ADGRF5: variants seen among roughly 807,000 people sequenced by gnomAD.
The protein encoded by ADGRF5 is adhesion G protein-coupled receptor F5.
ADGRF5 carries 75 observed loss-of-function variants against 132.3 expected under a neutral mutation model. That is an observed-to-expected ratio of 0.57 (90% CI 0.47 to 0.69). The LOEUF (loss-of-function observed/expected upper bound fraction) is 0.69, where lower values mean the gene tolerates loss of function less well. Among genes scored for constraint, ADGRF5 ranks in the 30% least tolerant of loss-of-function variants. The pLI is 0.00. For synonymous variants in ADGRF5, 629 were observed against 597.6 expected, an observed-to-expected ratio of 1.05 and a Z score of -0.77; for missense variants, 1,516 against 1,630.6, an observed-to-expected ratio of 0.93 and a Z score of 1.21.
intron 16 of ADGRF5, among the ~76,000 whole-genome samples, chr6:46,860,053 G>A (rs1221893417): frequency 6.6e-6 from 1 of 152,074 alleles, no homozygotes; most frequent in Non-Finnish European, 1.5e-5. Context: ...TCTCCCCGCT[G>A]CAGTCCCCTT....
At chr6:46,938,412 A>G (rs769961456) in intron 1 of ADGRF5, among the ~76,000 whole-genome samples, 8 of 152,332 alleles carry the variant, frequency 5.3e-5, no homozygotes, top group Non-Finnish European at 1.2e-4. Context: ...TCTTTCAGTC[A>G]TCTTGGAAGC....
chr6:46,896,035 G>A (rs1307427268), intron 3 of ADGRF5, among the ~76,000 whole-genome samples: 2 of 152,106 alleles, frequency 1.3e-5, no homozygotes, highest in Admixed American at 1.3e-4. Flanking sequence ...AAATGTCTTT[G>A]GCGAGCATTT....
Position 46,952,339 on chromosome 6 carries a change from G to A in ADGRF5, c.-25+2395C>T, listed in dbSNP as rs147978816. Among the ~76,000 whole-genome samples, 1,223 of 152,280 alleles carry A rather than the reference G, an allele frequency of 8.0e-3. 10 individuals carry two copies. Among genetic ancestry groups the A allele is most frequent in the Non-Finnish European group, 0.012 (814 of 68,018 alleles). On this transcript the variant is annotated intron_variant, in intron 1 of 20. Coordinates refer to the ADGRF5 transcript ENST00000265417. ...CAAAAAGTAAGTCCTCCAGATGAGC[G>A]CTGCATGGAGGCAGGACTCACATCT...
intron 4 of ADGRF5, among the ~76,000 whole-genome samples, chr6:46,886,101 C>A (rs767038897): frequency 8.5e-5 from 13 of 152,196 alleles, no homozygotes; most frequent in Admixed American, 6.5e-5. Flanking sequence ...TGCTTTGAAT[C>A]AATTTCCAAA....
In ADGRF5 at chr6:46,858,770, G is replaced by A. The variant is rs200682859; in HGVS notation, c.3133C>T (p.Arg1045Trp). The change falls in exon 17 of 21, where the codon CGG becomes TGG. Residue 1045 changes from arginine (R) to tryptophan (W), a missense_variant. This residue lies in a region of ADGRF5 where 571 missense variants were observed against 701.2 expected (regional missense o/e 0.81). Coordinates refer to ENST00000283296, the MANE Select transcript of ADGRF5 (RefSeq NM_001098518.2). ...CAGGTGTGGCGCATATAAGAAGTCC[G>A]GTTCTTGGTCACCGATTTCCACACC... Reference protein sequence around the residue: ...AVVWKSVTKNRTSYMRHTCIV... With the variant: ...AVVWKSVTKNWTSYMRHTCIV... The A allele has an allele frequency of 1.6e-5, 26 of 1,613,506 alleles. No individual in the cohort carries two copies. The highest frequency in any genetic ancestry group is 1.6e-4 in the Middle Eastern group (1 of 6,082).
intron 2 of ADGRF5, 112 bp from the exon 3 acceptor site, chr6:46,900,195 T>C: frequency 1.2e-6 from 1 of 805,590 alleles, no homozygotes; most frequent in Non-Finnish European, 2.2e-6. Flanking sequence ...CTGCAGACTT[T>C]GGGTTAGCAC....
intron 10 of ADGRF5, among the ~76,000 whole-genome samples, chr6:46,875,959 C>T (rs115254638): frequency 8.9e-4 from 135 of 152,286 alleles, no homozygotes; most frequent in South Asian, 3.7e-3. Flanking sequence ...AGAAATTCTG[C>T]CATTGTTGAT....
chr6:46,906,641 C>T lies in ADGRF5; in HGVS notation c.102+20G>A, dbSNP rs1192850314. 2 of 1,152,172 alleles carry T rather than the reference C, an allele frequency of 1.7e-6. No homozygotes were observed. The allele number at this position is 1,152,172 out of a possible 1,614,324, so 71.4% of individuals were successfully genotyped here. On this transcript the variant is annotated intron_variant, in intron 2 of 20. Coordinates refer to ENST00000283296, the MANE Select transcript of ADGRF5 (RefSeq NM_001098518.2). ...AAAAATGTGACAAGAAAAATTATAG[C>T]AGATATGGATATAACTCACCAAAGG...
At chr6:46,884,863 A>G (rs961096017) in intron 4 of ADGRF5, among the ~76,000 whole-genome samples, 1 of 152,162 alleles carries the variant, frequency 6.6e-6, no homozygotes, top group Non-Finnish European at 1.5e-5. Flanking sequence ...GCCAATAGCT[A>G]GTGAGGAACT....
At chr6:46,928,750 A>G (rs1254890138) in intron 1 of ADGRF5, among the ~76,000 whole-genome samples, 7 of 152,156 alleles carry the variant, frequency 4.6e-5, no homozygotes, top group Non-Finnish European at 8.8e-5. Context: ...AATGCTCACC[A>G]TCACTGGCCA....
chr6:46,884,376 A>T, intron 4 of ADGRF5, 105 bp from the exon 5 acceptor site: 1 of 840,570 alleles, frequency 1.2e-6, no homozygotes, highest in East Asian at 2.5e-5. Flanking sequence ...TCCGAATCTG[A>T]CTTTATATTA....
intron 1 of ADGRF5, among the ~76,000 whole-genome samples, chr6:46,934,385 T>C (rs1322116408): frequency 6.6e-6 from 1 of 152,228 alleles, no homozygotes; most frequent in Non-Finnish European, 1.5e-5. Context: ...AATCCTTATT[T>C]GCTTGACTAA....
intron 3 of ADGRF5, among the ~76,000 whole-genome samples, chr6:46,892,337 A>T (rs939383144): frequency 6.6e-6 from 1 of 152,242 alleles, no homozygotes; most frequent in Non-Finnish European, 1.5e-5. Flanking sequence ...GAACTTTGAT[A>T]TACAATTCCT....
At position 46,882,057 on chromosome 6, in the gene ADGRF5, T is replaced by C. The variant is rs1316023936; in HGVS notation, c.663A>G (p.Thr221=). The C allele has an allele frequency of 1.2e-6, 2 of 1,607,228 alleles. No homozygotes were observed. The highest frequency in any genetic ancestry group is 1.7e-5 in the Admixed American group (1 of 60,018). The change falls in exon 7 of 21, where the codon ACA becomes ACG. Residue 221 remains threonine, a synonymous_variant. Coordinates refer to ENST00000283296, the MANE Select transcript of ADGRF5 (RefSeq NM_001098518.2). ...AATTAAAGTATTCTTACTTGAACCC[T>C]GTCACAGTCACGCCCTTGAAGCCTG... is the stretch of plus-strand genomic sequence containing the variant. The part of the protein sequence containing the change: ...ILPGFKGVTV[T]GFKSGSVVVT...
At chr6:46,898,796 A>G (rs1337444509) in intron 3 of ADGRF5, among the ~76,000 whole-genome samples, 1 of 152,206 alleles carries the variant, frequency 6.6e-6, no homozygotes, top group East Asian at 1.9e-4. Flanking sequence ...ACATGGCTGA[A>G]AAAATGATTC....
At chr6:46,927,476 GC>G (rs1416287334) in intron 1 of ADGRF5, among the ~76,000 whole-genome samples, 1 of 152,020 alleles carries the variant, frequency 6.6e-6, no homozygotes, top group Non-Finnish European at 1.5e-5. Context: ...TGAACCCCCA[GC>G]CCCCACCAAC....
intron 1 of ADGRF5, among the ~76,000 whole-genome samples, chr6:46,936,015 A>G (rs542561161): frequency 5.3e-5 from 8 of 152,360 alleles, no homozygotes; most frequent in Admixed American, 3.3e-4. Flanking sequence ...CAACTGCAGC[A>G]GTTTCCACAC....
At position 46,934,732 on chromosome 6, in the gene ADGRF5, AG is replaced by A. The variant is rs568966880; in HGVS notation, c.-25+20001del. On this transcript the variant is annotated intron_variant, in intron 1 of 20. Transcript: ENST00000265417. ...GCAAACTCAACAGTCCCAAACCCTT[AG>A]AAACTTACTCTTGGAACAAACATAT... is the stretch of plus-strand genomic sequence containing the variant. Among the ~76,000 whole-genome samples, 15 of 152,302 alleles carry A rather than the reference AG, an allele frequency of 9.8e-5. No homozygotes were observed. The East Asian group carries it at 2.9e-3, about 29-fold the overall frequency.
intron 11 of ADGRF5, among the ~76,000 whole-genome samples, chr6:46,871,316 G>A (rs1246255019): frequency 3.3e-5 from 5 of 152,078 alleles, no homozygotes; most frequent in African/African-American, 9.7e-5. Flanking sequence ...CAAATCACTC[G>A]TTCCAACCAT....
Sources: gnomAD v4.1 joint callset for allele counts (sites outside exome capture counted in the v4.1 genomes callset) on GRCh38, gnomAD v4.1.1 for gene constraint, gnomAD v4.1.1 regional missense constraint, MANE v1.5 for transcripts, NCBI Gene and HGNC (gene_info 2026-07-23, HGNC 2026-07-21) for gene names.